The following NR6A1 variants were observed in gnomAD, a reference collection of about 807,000 sequenced individuals.
The protein encoded by NR6A1 is nuclear receptor subfamily 6 group A member 1, also known as retinoic acid receptor-related testis-associated receptor.
In NR6A1, 7 loss-of-function variants were observed where a neutral mutation model predicts 59.1. The ratio of observed to expected loss-of-function variants is 0.12; its 90% CI spans 0.07 to 0.22. The LOEUF is 0.22. NR6A1 is among the 10% of genes least tolerant of loss of function. The pLI is 1.00. For missense variants in NR6A1, 468 were observed against 611.6 expected (o/e 0.77, Z 2.48); for synonymous variants, 243 against 236.1 (o/e 1.03, Z -0.27).
chr9:124,705,323 G>C (rs1289290931), intron 2 of NR6A1, among the ~76,000 whole-genome samples: 1 of 152,040 alleles, frequency 6.6e-6, no homozygotes, highest in African/African-American at 2.4e-5. Flanking sequence ...TTGTTTAATA[G>C]TCCATTTCTC....
intron 2 of NR6A1, among the ~76,000 whole-genome samples, chr9:124,733,054 A>G (rs540134962): frequency 5.9e-5 from 9 of 152,328 alleles, no homozygotes; most frequent in African/African-American, 2.2e-4. Context: ...CAAAGCAAGG[A>G]GACTGGTGTT....
chr9:124,671,003 A>G (rs1353361297), intron 2 of NR6A1, among the ~76,000 whole-genome samples: 1 of 152,226 alleles, frequency 6.6e-6, no homozygotes, highest in Non-Finnish European at 1.5e-5. Flanking sequence ...ATTATGCTAA[A>G]TGAAATCACA....
chr9:124,643,604 A>C (rs951118372), intron 2 of NR6A1, among the ~76,000 whole-genome samples: 2 of 151,092 alleles, frequency 1.3e-5, no homozygotes, highest in African/African-American at 4.9e-5. Context: ...CAATCTCAAA[A>C]AAAAAAAAAA....
At chr9:124,542,522 T>C (rs1181303315) in intron 4 of NR6A1, among the ~76,000 whole-genome samples, 15 of 152,172 alleles carry the variant, frequency 9.9e-5, no homozygotes, top group Admixed American at 9.8e-4. Flanking sequence ...TTCAAACTAT[T>C]ATCTGTATCT....
At chr9:124,718,970 A>G (rs1211413998) in intron 2 of NR6A1, among the ~76,000 whole-genome samples, 1 of 151,540 alleles carries the variant, frequency 6.6e-6, no homozygotes, top group Non-Finnish European at 1.5e-5. Context: ...ATGCACCAGC[A>G]CGCCTGGTTA....
intron 2 of NR6A1, among the ~76,000 whole-genome samples, chr9:124,710,410 TAC>T (rs1324256078): frequency 6.6e-6 from 1 of 151,932 alleles, no homozygotes; most frequent in Admixed American, 6.6e-5. Context: ...CACACACACA[TAC>T]ACACACAATG....
chr9:124,660,519 C>G (rs972413532), intron 2 of NR6A1, among the ~76,000 whole-genome samples: 1 of 152,080 alleles, frequency 6.6e-6, no homozygotes, highest in African/African-American at 2.4e-5. Context: ...ATTCGCCCCA[C>G]TGGACAATAG....
intron 2 of NR6A1, among the ~76,000 whole-genome samples, chr9:124,652,669 G>A (rs1179883671): frequency 6.6e-6 from 1 of 152,080 alleles, no homozygotes; most frequent in Non-Finnish European, 1.5e-5. Flanking sequence ...GCCAGGGCTG[G>A]AGCCAGACTC....
Position 124,704,043 on chromosome 9 carries a change from T to C in NR6A1, c.142+29265A>G, listed in dbSNP as rs534956358. ...TTCTCTTTGTAGGAAGATTTTTAAT[T>C]ACTAATTCATTTTAACTGTTATAAG... On this transcript the variant is annotated intron_variant, in intron 2 of 9. Transcript: ENST00000487099. Among the ~76,000 whole-genome samples, 91 of 152,338 alleles carry C rather than the reference T, an allele frequency of 6.0e-4. 1 individual carries two copies. The South Asian group carries it at 0.018, about 31-fold the overall frequency.
At chr9:124,624,286 T>C (rs1034545846) in intron 2 of NR6A1, among the ~76,000 whole-genome samples, 1 of 152,152 alleles carries the variant, frequency 6.6e-6, no homozygotes, top group Admixed American at 6.5e-5. Context: ...TCCCGGTACA[T>C]GGTGGCAGCA....
chr9:124,681,515 T>C (rs192798546), intron 2 of NR6A1, among the ~76,000 whole-genome samples: 37 of 152,106 alleles, frequency 2.4e-4, no homozygotes, highest in Admixed American at 9.8e-4. Context: ...CTAATTTTTG[T>C]ATTTTTAGTA....
intron 7 of NR6A1, among the ~76,000 whole-genome samples, chr9:124,531,717 G>T (rs1833104414): frequency 6.6e-6 from 1 of 152,098 alleles, no homozygotes; most frequent in African/African-American, 2.4e-5. Flanking sequence ...GATCTTCCCT[G>T]CTCCTTCATC....
chr9:124,533,870 C>T (rs1833171619), intron 7 of NR6A1, among the ~76,000 whole-genome samples: 1 of 151,838 alleles, frequency 6.6e-6, no homozygotes, highest in Non-Finnish European at 1.5e-5. Flanking sequence ...AGGATGGTCT[C>T]AATCTCCTGA....
chr9:124,769,222 C>T (rs1411770655), intron 1 of NR6A1, among the ~76,000 whole-genome samples: 1 of 150,196 alleles, frequency 6.7e-6, no homozygotes, highest in African/African-American at 2.5e-5. Context: ...GAACGGCCAG[C>T]CACCTAGCCA....
rs990988519 is a variant in NR6A1, at chr9:124,524,893, A to G, written c.1202-20T>C. 3.8e-6 allele frequency: 6 copies of G among 1,584,812 alleles called. No homozygotes were observed. Among genetic ancestry groups the G allele is most frequent in the South Asian group, 1.2e-5 (1 of 86,470 alleles). ...TGATATCTGTGGAAAAAAAAAAAAC[A>G]CACACACACATACAGGGAATGGGAT... On this transcript the variant is annotated intron_variant, in intron 8 of 9. Transcript: ENST00000487099.
At chr9:124,765,051 G>GTGTA (rs1251932895) in intron 1 of NR6A1, among the ~76,000 whole-genome samples, 1 of 152,192 alleles carries the variant, frequency 6.6e-6, no homozygotes, top group Non-Finnish European at 1.5e-5. Context: ...AAATTGAAGG[G>GTGTA]TGTAGAGTTT....
chr9:124,676,644 T>A (rs1837970328), intron 2 of NR6A1, among the ~76,000 whole-genome samples: 1 of 152,160 alleles, frequency 6.6e-6, no homozygotes. Context: ...AAACAGGATC[T>A]CTCCTAAAGT....
chr9:124,726,144 ACACT>A (rs1211744387), intron 2 of NR6A1, among the ~76,000 whole-genome samples: 1 of 152,218 alleles, frequency 6.6e-6, no homozygotes, highest in African/African-American at 2.4e-5. Flanking sequence ...ACATTCATAA[ACACT>A]CAAGTTTTTT....
rs569923860 is a variant in NR6A1 at position 124,643,219 on chromosome 9, T to C, written c.143-88649A>G. On this transcript the variant is annotated intron_variant, in intron 2 of 9. Coordinates refer to ENST00000487099, the MANE Select transcript of NR6A1 (RefSeq NM_033334.4). Reference sequence around the variant, plus strand: ...GCTCACACCTGTAATACCATCACTTTCAGAGGCTGAGGCGGGAAGATACTT... The same window carrying C: ...GCTCACACCTGTAATACCATCACTTCCAGAGGCTGAGGCGGGAAGATACTT... Among the ~76,000 whole-genome samples, 8 of 152,194 alleles carry C rather than the reference T, an allele frequency of 5.3e-5. 1 individual carries two copies. The highest frequency in any genetic ancestry group is 1.9e-4 in the African/African-American group (8 of 41,516).
Sources: allele counts gnomAD v4.1 joint callset (sites outside exome capture counted in the v4.1 genomes callset), GRCh38; gene constraint gnomAD v4.1.1; transcripts MANE v1.5; gene names NCBI Gene and HGNC (gene_info 2026-07-23, HGNC 2026-07-21).